Variants in SNTG1 observed in about 807,000 individuals in gnomAD.
SNTG1 encodes the protein gamma-1-syntrophin.
SNTG1 carries 39 observed loss-of-function variants against 74.7 expected under a neutral mutation model. The observed-to-expected ratio is 0.52, with a 90% confidence interval of 0.40 to 0.68. The LOEUF (loss-of-function observed/expected upper bound fraction) is 0.68. SNTG1 is among the 30% of genes least tolerant of loss of function. The pLI, the probability that SNTG1 is intolerant of heterozygous loss-of-function variation, is 0.00. For missense variants in SNTG1, 685 were observed against 609.5 expected (o/e 1.12, Z -1.30); for synonymous variants, 254 against 217.1 (o/e 1.17, Z -1.49).
chr8:50,540,163 C>A (rs1286213014), intron 11 of SNTG1, among the ~76,000 whole-genome samples: 2 of 152,118 alleles, frequency 1.3e-5, no homozygotes, highest in Non-Finnish European at 2.9e-5. Flanking sequence ...AAGAATGAGG[C>A]CACTCTGTCT....
intron 9 of SNTG1, among the ~76,000 whole-genome samples, chr8:50,527,031 C>A (rs1317769205): frequency 1.3e-5 from 2 of 152,126 alleles, no homozygotes; most frequent in Non-Finnish European, 2.9e-5. Flanking sequence ...TTTCTTCCAG[C>A]CATTCTATTG....
chr8:50,738,798 A>G (rs139902438), intron 17 of SNTG1, among the ~76,000 whole-genome samples: 2,261 of 152,198 alleles, frequency 0.015, 28 homozygotes, highest in Non-Finnish European at 0.024. Context: ...GACAAAAAAA[A>G]AAAAGCAATG....
chr8:50,193,909 T>C (rs901339142), intron 2 of SNTG1, among the ~76,000 whole-genome samples: 2 of 152,176 alleles, frequency 1.3e-5, no homozygotes, highest in African/African-American at 2.4e-5. Flanking sequence ...AAATGCTTTT[T>C]CTGCATCTAT....
At chr8:50,580,854 T>C (rs1223793638) in intron 12 of SNTG1, among the ~76,000 whole-genome samples, 1 of 151,392 alleles carries the variant, frequency 6.6e-6, no homozygotes, top group Non-Finnish European at 1.5e-5. Flanking sequence ...CTGGGGAGAG[T>C]GAACATGAGC....
intron 2 of SNTG1, among the ~76,000 whole-genome samples, chr8:50,283,618 C>T (rs1471590830): frequency 6.6e-6 from 1 of 152,118 alleles, no homozygotes; most frequent in East Asian, 1.9e-4. Context: ...TCAGTGCTCA[C>T]CCTATTTACT....
At chr8:50,774,990 T>A (rs1005671554) in intron 18 of SNTG1, among the ~76,000 whole-genome samples, 5 of 150,500 alleles carry the variant, frequency 3.3e-5, no homozygotes, top group African/African-American at 1.2e-4. Context: ...TATATATAAT[T>A]TATATAAAAG....
intron 18 of SNTG1, among the ~76,000 whole-genome samples, chr8:50,760,618 G>C (rs1010849520): frequency 6.6e-6 from 1 of 151,340 alleles, no homozygotes; most frequent in East Asian, 2.0e-4. Flanking sequence ...AAAATGGATA[G>C]ACCTCTAGTC....
chr8:49,984,874 T>C (rs1222509231), intron 1 of SNTG1, among the ~76,000 whole-genome samples: 1 of 152,168 alleles, frequency 6.6e-6, no homozygotes, highest in African/African-American at 2.4e-5. Context: ...AAGTAAGTTG[T>C]CTCGGTAATC....
At chr8:50,507,463 C>T (rs2623203) in intron 9 of SNTG1, among the ~76,000 whole-genome samples, 41,713 of 151,640 alleles carry the variant, frequency 0.28, 7,315 homozygotes, top group African/African-American at 0.5. Flanking sequence ...ATGGGCCCTT[C>T]GTATTTTGTG....
At chr8:50,191,646 G>A (rs2083582286) in intron 2 of SNTG1, among the ~76,000 whole-genome samples, 1 of 152,070 alleles carries the variant, frequency 6.6e-6, no homozygotes, top group South Asian at 2.1e-4. Context: ...TGCCATGCTG[G>A]TTTGCTGAAC....
intron 9 of SNTG1, among the ~76,000 whole-genome samples, chr8:50,513,260 TGA>T (rs1431535629): frequency 6.6e-6 from 1 of 152,198 alleles, no homozygotes; most frequent in Non-Finnish European, 1.5e-5. Context: ...TATTGCTGCC[TGA>T]TCGTTCCTCT....
At chr8:50,137,383 G>T (rs1312112303) in intron 1 of SNTG1, among the ~76,000 whole-genome samples, 1 of 152,120 alleles carries the variant, frequency 6.6e-6, no homozygotes, top group Non-Finnish European at 1.5e-5. Flanking sequence ...AGCTCTCACT[G>T]CCTGTAGTCA....
chr8:50,362,980 G>T (rs934844269), intron 2 of SNTG1, among the ~76,000 whole-genome samples: 1 of 152,000 alleles, frequency 6.6e-6, no homozygotes, highest in Non-Finnish European at 1.5e-5. Flanking sequence ...GAGAAAGGAT[G>T]GAAAATGAAA....
chr8:50,245,201 G>T, intron 2 of SNTG1, among the ~76,000 whole-genome samples: 1 of 152,134 alleles, frequency 6.6e-6, no homozygotes, highest in East Asian at 1.9e-4. Context: ...AAGGTGACTT[G>T]AAAATCATGC....
At chr8:50,667,431 A>C (rs908312914) in intron 15 of SNTG1, among the ~76,000 whole-genome samples, 1 of 152,060 alleles carries the variant, frequency 6.6e-6, no homozygotes, top group African/African-American at 2.4e-5. Flanking sequence ...GAGACTGTGA[A>C]GTCCAAGAGC....
chr8:50,528,010 T>C (rs1338563833), intron 9 of SNTG1, among the ~76,000 whole-genome samples: 1 of 152,022 alleles, frequency 6.6e-6, no homozygotes, highest in African/African-American at 2.4e-5. Context: ...ATTAACATAT[T>C]GCAACATAGC....
At chr8:50,115,576 A>AAC (rs2080785415) in intron 1 of SNTG1, among the ~76,000 whole-genome samples, 3 of 82,800 alleles carry the variant, frequency 3.6e-5, no homozygotes, top group Non-Finnish European at 5.4e-5. Flanking sequence ...TCAAAAAAAA[A>AAC]AAAAAAAAAA....
At chr8:49,988,758 C>T (rs1813406090) in intron 1 of SNTG1, among the ~76,000 whole-genome samples, 2 of 151,812 alleles carry the variant, frequency 1.3e-5, no homozygotes, top group Non-Finnish European at 1.5e-5. Flanking sequence ...CTTATTAATG[C>T]ATAGAACTTA....
chr8:50,570,328 G>A (rs1318159688), intron 12 of SNTG1, among the ~76,000 whole-genome samples: 8 of 143,024 alleles, frequency 5.6e-5, no homozygotes, highest in East Asian at 2.1e-4. Flanking sequence ...GTGCGATCTC[G>A]GTTCAATGCA....
Sources: allele counts gnomAD v4.1 joint callset (sites outside exome capture counted in the v4.1 genomes callset), GRCh38; gene constraint gnomAD v4.1.1; transcripts MANE v1.5; gene names NCBI Gene and HGNC (gene_info 2026-07-23, HGNC 2026-07-21).